Variants in ACSF3 observed in about 807,000 individuals in gnomAD.
ACSF3 encodes acyl-CoA synthetase family member 3, also known as malonate--CoA ligase ACSF3, mitochondrial.
Under a neutral mutation model 53.2 loss-of-function variants are expected in ACSF3, and 78 were observed. The ratio of observed to expected loss-of-function variants is 1.47; its 90% CI spans 1.22 to 1.77. ACSF3 has a LOEUF of 1.77. Ranked by LOEUF, ACSF3 falls within the 40% of genes most tolerant of loss-of-function variation. The pLI is 0.00. For missense variants in ACSF3, 937 were observed against 771.1 expected (o/e 1.22, Z -2.55); for synonymous variants, 414 against 333.1 (o/e 1.24, Z -2.65).
At position 89,114,331 on chromosome 16, in the gene ACSF3, C is replaced by T; in HGVS notation, c.978-8C>T. 1 of 1,613,890 alleles carries T rather than the reference C, an allele frequency of 6.2e-7. No homozygotes were observed. The highest frequency in any genetic ancestry group is 8.5e-7 in the Non-Finnish European group (1 of 1,180,022). The stretch of plus-strand genomic sequence containing the variant: ...GGGGCTAAACCTGCCTTTGGTTGTG[C>T]CGCGTAGGCTGATGGTCTCAGGCTC... On this transcript the variant is annotated splice_region_variant and splice_polypyrimidine_tract_variant and intron_variant, in intron 5 of 10. Transcript: ENST00000614302.
chr16:89,098,796 G>A, intron 2 of ACSF3, 33 bp downstream of exon 2: 1 of 454,158 alleles, frequency 2.2e-6, no homozygotes, highest in South Asian at 1.6e-5. Context: ...TTGCTTTTCT[G>A]TGTGCGAACA....
In ACSF3 at chr16:89,146,131, G is replaced by T. The variant is rs559639429; in HGVS notation, c.1613+82G>T. 4 of 1,030,058 alleles carry T rather than the reference G, an allele frequency of 3.9e-6. No homozygotes were observed. In the African/African-American group the frequency reaches 6.3e-5, roughly 16 times the overall value. The allele number at this position is 1,030,058 out of a possible 1,614,324, so 63.8% of individuals were successfully genotyped here. The stretch of plus-strand genomic sequence containing the variant: ...GAGGGCCACCCTAGGTATTGGCATC[G>T]TCCGTCTTAGAGGTGGAGATGAGGG... On this transcript the variant is annotated intron_variant, in intron 10 of 10. Coordinates refer to ENST00000614302, the MANE Select transcript of ACSF3 (RefSeq NM_001243279.3).
intron 4 of ACSF3, among the ~76,000 whole-genome samples, chr16:89,110,518 G>A: frequency 6.6e-6 from 1 of 152,186 alleles, no homozygotes; most frequent in East Asian, 1.9e-4. Flanking sequence ...TGGGTCTCTT[G>A]TCTAATCTTA....
chr16:89,150,994 A>C, intron 10 of ACSF3: 1 of 1,284,614 alleles, frequency 7.8e-7, no homozygotes, highest in Non-Finnish European at 1.0e-6. Flanking sequence ...ATTCACAGTC[A>C]AATTTCCCCA....
Position 89,133,124 on chromosome 16 carries a change from C to G in ACSF3, c.1240-12C>G, listed in dbSNP as rs1292727296. On this transcript the variant is annotated splice_polypyrimidine_tract_variant and intron_variant, in intron 7 of 10. Coordinates refer to ENST00000614302, the MANE Select transcript of ACSF3 (RefSeq NM_001243279.3). ...GCCCAGCTCTGACCTCCATGTTCTT[C>G]ATCCTCCACAGGTGACCCCAGGGTT... 1 of 1,613,488 alleles carries G rather than the reference C, an allele frequency of 6.2e-7. No individual in the cohort carries two copies. The highest frequency in any genetic ancestry group is 8.5e-7 in the Non-Finnish European group (1 of 1,180,000).
intron 7 of ACSF3, among the ~76,000 whole-genome samples, chr16:89,128,553 C>G (rs145144322): frequency 3.9e-5 from 6 of 152,158 alleles, no homozygotes; most frequent in Non-Finnish European, 8.8e-5. Flanking sequence ...AGCCACCACG[C>G]CTGACCTAAA....
chr16:89,108,919 T>A lies in ACSF3; in HGVS notation c.823-3173T>A, dbSNP rs143799908. ...AGAATTGATGGGTTGTATGGTGACTTTCTGTTTAATGTTTTAAGAAACTGT... is the reference window on the plus strand; with the variant it reads ...AGAATTGATGGGTTGTATGGTGACTATCTGTTTAATGTTTTAAGAAACTGT... On this transcript the variant is annotated intron_variant, in intron 4 of 10. Transcript: ENST00000614302. Among the ~76,000 whole-genome samples, 616 of 152,188 alleles carry A rather than the reference T, an allele frequency of 4.0e-3. 3 individuals are homozygous for A. The highest frequency in any genetic ancestry group is 6.9e-3 in the Non-Finnish European group (470 of 68,018).
At position 89,154,205 on chromosome 16, in the gene ACSF3, T is replaced by C. The variant is rs2151586300; in HGVS notation, c.1729T>C (p.Ter577ArgextTer32). The C allele has an allele frequency of 1.9e-6, 3 of 1,613,278 alleles. No individual in the cohort carries two copies. The South Asian group carries it at 3.3e-5, about 18-fold the overall frequency. The stretch of plus-strand genomic sequence containing the variant: ...GCTCATCAGGCACTTCCACCCCTCA[T>C]GACCCGGCAGACTGGGACTGCGGGT... ...KALIRHFHPS[*>R] The change falls in exon 11 of 11, where the codon TGA becomes CGA. Residue 577 changes from the stop codon to arginine (R), a stop_lost. Coordinates refer to ENST00000614302, the MANE Select transcript of ACSF3 (RefSeq NM_001243279.3).
chr16:89,137,736 C>T (rs1910915986), intron 8 of ACSF3, among the ~76,000 whole-genome samples: 2 of 152,076 alleles, frequency 1.3e-5, no homozygotes, highest in African/African-American at 4.8e-5. Flanking sequence ...GCTGGAGAAC[C>T]CCCAGACTGA....
intron 8 of ACSF3, chr16:89,140,994 A>G: frequency 8.6e-7 from 1 of 1,165,446 alleles, no homozygotes; most frequent in South Asian, 1.5e-5. Context: ...CGATTCCAGA[A>G]TCGATGCATT....
chr16:89,120,117 C>T (rs1906263308), intron 6 of ACSF3, among the ~76,000 whole-genome samples: 1 of 152,252 alleles, frequency 6.6e-6, no homozygotes, highest in Admixed American at 6.5e-5. Context: ...TGCGGCAGCC[C>T]TGCGTGTGCC....
rs6500526 is a variant in ACSF3, at chr16:89,100,987, C to T, written c.306C>T (p.Cys102=). Residue 102 remains cysteine (C), a synonymous_variant, in exon 3 of 11, where the codon TGC becomes TGT. Coordinates refer to ENST00000614302, the MANE Select transcript of ACSF3 (RefSeq NM_001243279.3). ...DLREERVSFL[C]ANDASYVVAQ... ...GGGAGGAGAGGGTCTCCTTCCTATGCGCTAACGATGCCTCCTACGTCGTGG... is the reference window on the plus strand; with the variant it reads ...GGGAGGAGAGGGTCTCCTTCCTATGTGCTAACGATGCCTCCTACGTCGTGG... 0.75 allele frequency: 1,214,660 copies of T among 1,611,744 alleles called. 463,541 individuals carry two copies. Among genetic ancestry groups the T allele is most frequent in the Admixed American group, 0.81 (48,519 of 59,920 alleles).
chr16:89,121,914 A>G (rs1190427659), intron 7 of ACSF3, among the ~76,000 whole-genome samples: 1 of 152,212 alleles, frequency 6.6e-6, no homozygotes, highest in Non-Finnish European at 1.5e-5. Flanking sequence ...TTTCAGTGTC[A>G]TTAAATGACA....
chr16:89,101,435 T>G (rs1257221291), intron 3 of ACSF3, 88 bp downstream of exon 3: 17 of 1,543,404 alleles, frequency 1.1e-5, no homozygotes, highest in Non-Finnish European at 1.4e-5. Flanking sequence ...TTTCATTCGC[T>G]TTTCTGTGGA....
At chr16:89,108,657 C>T (rs551781811) in intron 4 of ACSF3, among the ~76,000 whole-genome samples, 1 of 152,232 alleles carries the variant, frequency 6.6e-6, no homozygotes, top group Non-Finnish European at 1.5e-5. Flanking sequence ...TCTTTTATTC[C>T]AGCTTCTTTC....
At chr16:89,097,263 G>A (rs1317340152) in intron 1 of ACSF3, among the ~76,000 whole-genome samples, 1 of 152,230 alleles carries the variant, frequency 6.6e-6, no homozygotes, top group Admixed American at 6.5e-5. Flanking sequence ...AACCTTTTCT[G>A]AGCAGCAGCT....
At chr16:89,096,740 C>T (rs1010883804) in intron 1 of ACSF3, among the ~76,000 whole-genome samples, 5 of 152,212 alleles carry the variant, frequency 3.3e-5, no homozygotes. Flanking sequence ...CCCCTTCCCT[C>T]GGCCGACTCT....
chr16:89,145,237 G>C (rs368879201), intron 8 of ACSF3, 30 bp from the exon 9 acceptor site: 2 of 1,614,106 alleles, frequency 1.2e-6, no homozygotes, highest in East Asian at 4.5e-5. Flanking sequence ...GTTTAAGGAT[G>C]GCCAGTTAAC....
Position 89,100,790 on chromosome 16 carries a change from G to C in ACSF3, c.109G>C (p.Val37Leu). Residue 37 changes from valine to leucine, a missense_variant, in exon 3 of 11, where the codon GTG (valine) becomes CTG (leucine). Transcript: ENST00000614302. ...AAGTGGTCTTCTGCACACAGCCCCA[G>C]TGGCCCGCTCGGACAGGAGCGCCCC... is the stretch of plus-strand genomic sequence containing the variant. Reference protein sequence around the residue: ...RGSGLLHTAPVARSDRSAPVF... With the variant: ...RGSGLLHTAPLARSDRSAPVF... The C allele has an allele frequency of 6.2e-7, 1 of 1,611,836 alleles. No homozygotes were observed. The highest frequency in any genetic ancestry group is 8.5e-7 in the Non-Finnish European group (1 of 1,179,998).
Sources: allele counts gnomAD v4.1 joint callset (sites outside exome capture counted in the v4.1 genomes callset), GRCh38; gene constraint gnomAD v4.1.1; transcripts MANE v1.5; gene names NCBI Gene and HGNC (gene_info 2026-07-23, HGNC 2026-07-21).